MAML2: variants seen among roughly 807,000 people sequenced by gnomAD.
The protein encoded by MAML2 is mastermind-like protein 2.
In MAML2, 22 loss-of-function variants were observed where a neutral mutation model predicts 96.1. That is an observed-to-expected ratio of 0.23 (90% CI 0.16 to 0.33). MAML2 has a LOEUF of 0.33. MAML2 is among the 10% of genes least tolerant of loss of function. The pLI, the probability that MAML2 is intolerant of heterozygous loss-of-function variation, is 1.00. For synonymous variants in MAML2, 561 were observed against 521.3 expected, an observed-to-expected ratio of 1.08 and a Z score of -1.04; for missense variants, 1,367 against 1,392.4, an observed-to-expected ratio of 0.98 and a Z score of 0.29.
At chr11:96,251,733 C>CT (rs5793793) in intron 1 of MAML2, among the ~76,000 whole-genome samples, 101 of 134,454 alleles carry the variant, frequency 7.5e-4, no homozygotes, top group Admixed American at 1.3e-3. Flanking sequence ...AATACAAACC[C>CT]TTTTTTTTTT....
intron 1 of MAML2, among the ~76,000 whole-genome samples, chr11:96,245,272 CT>C (rs1315723388): frequency 7.2e-6 from 1 of 139,712 alleles, no homozygotes; most frequent in Non-Finnish European, 1.5e-5. Flanking sequence ...ACTTTTACCA[CT>C]TTTTTCGAGT....
rs1859711713 is a variant in MAML2 at position 96,091,893 on chromosome 11, T to C, written c.2138A>G (p.Gln713Arg). The C allele has an allele frequency of 6.2e-7, 1 of 1,612,260 alleles. No homozygotes were observed. The highest frequency in any genetic ancestry group is 1.3e-5 in the African/African-American group (1 of 74,920). Residue 713 changes from glutamine (Q) to arginine (R), a missense_variant and splice_region_variant, in exon 2 of 5, where the codon CAG becomes CGG. Physicochemically the swap from Gln to Arg is conservative, Grantham distance 43 (BLOSUM62 1). Coordinates refer to ENST00000524717, the MANE Select transcript of MAML2 (RefSeq NM_032427.4). The stretch of plus-strand genomic sequence containing the variant: ...TATTTGGAGTAGTAGAGCCCTTACC[T>C]GTCTCTGTTGTTGGGAGACTTGGTA... ...MGYQVSQQQRQDQHSVVGQNT... is the reference protein window; with the variant it reads ...MGYQVSQQQRRDQHSVVGQNT...
At chr11:96,237,691 G>A (rs1345455286) in intron 1 of MAML2, among the ~76,000 whole-genome samples, 1 of 152,204 alleles carries the variant, frequency 6.6e-6, no homozygotes, top group Non-Finnish European at 1.5e-5. Flanking sequence ...AATGTAATAT[G>A]TAATTGTCGT....
Position 95,985,632 on chromosome 11 carries a change from G to C in MAML2, c.2354C>G (p.Ala785Gly). The part of the protein sequence containing the change: ...QQMLADAEKI[A>G]PQDQINRHLS... ...ATGTCGGTTTATCTGATCTTGTGGA[G>C]CAATTTTCTCCTTGAGAAATGATAT... is the stretch of plus-strand genomic sequence containing the variant. The change falls in exon 4 of 5, where the codon GCT becomes GGT. Residue 785 changes from alanine (A) to glycine (G), a missense_variant. By Grantham distance (60) the Ala-to-Gly change is moderately conservative (BLOSUM62 0). Transcript: ENST00000524717. The C allele has an allele frequency of 6.2e-7, 1 of 1,602,604 alleles. No individual in the cohort carries two copies. Among genetic ancestry groups the C allele is most frequent in the Non-Finnish European group, 8.5e-7 (1 of 1,170,808 alleles).
chr11:96,175,747 T>A (rs981766621), intron 1 of MAML2, among the ~76,000 whole-genome samples: 1 of 152,094 alleles, frequency 6.6e-6, no homozygotes, highest in African/African-American at 2.4e-5. Context: ...CCCGCCACCA[T>A]GCCTGGCTAT....
intron 1 of MAML2, among the ~76,000 whole-genome samples, chr11:96,256,913 A>T (rs938980834): frequency 1.3e-5 from 2 of 152,240 alleles, no homozygotes; most frequent in African/African-American, 4.8e-5. Context: ...AAGACAGAGG[A>T]CACCCCAGTA....
chr11:96,034,322 C>T (rs1858664821), intron 2 of MAML2, among the ~76,000 whole-genome samples: 1 of 151,986 alleles, frequency 6.6e-6, no homozygotes, highest in Admixed American at 6.6e-5. Context: ...CCAGGAAGCA[C>T]AGAATATGAC....
intron 1 of MAML2, among the ~76,000 whole-genome samples, chr11:96,288,174 C>A (rs939951085): frequency 2.0e-5 from 3 of 152,166 alleles, no homozygotes; most frequent in African/African-American, 7.2e-5. Context: ...AAAATTAGAT[C>A]TCAGAGCAAA....
At chr11:96,148,515 G>C (rs1860858137) in intron 1 of MAML2, among the ~76,000 whole-genome samples, 1 of 151,708 alleles carries the variant, frequency 6.6e-6, no homozygotes, top group South Asian at 2.1e-4. Flanking sequence ...GTAGGTGCCT[G>C]TCTACACTAT....
In MAML2 at chr11:96,121,950, CTTTTTTTTTTTTTTTT is replaced by C. The variant is rs71040130; in HGVS notation, c.514-28449_514-28434del. Among the ~76,000 whole-genome samples, 7 of 56,852 alleles carry C rather than the reference CTTTTTTTTTTTTTTTT, an allele frequency of 1.2e-4. No homozygotes were observed. The East Asian group carries it at 1.7e-3, about 14-fold the overall frequency. The allele number at this position is 56,852 out of a possible 152,430, so 37.3% of individuals were successfully genotyped here. A position where few individuals can be genotyped will look rare whatever the true frequency, so the allele number is the denominator to read the frequency against. On this transcript the variant is annotated intron_variant, in intron 1 of 4. Coordinates refer to ENST00000524717, the MANE Select transcript of MAML2 (RefSeq NM_032427.4). ...TACAGGCACCCGCCACCACGCCCGG[CTTTTTTTTTTTTTTTT>C]TTTTTTTTTTTTTTTTGTATTTTTT...
chr11:96,254,048 A>T (rs1181890618), intron 1 of MAML2, among the ~76,000 whole-genome samples: 1 of 152,208 alleles, frequency 6.6e-6, no homozygotes, highest in African/African-American at 2.4e-5. Context: ...TAAAGGTAAG[A>T]ATTTGTGAGA....
At chr11:96,163,744 G>C (rs1861148834) in intron 1 of MAML2, among the ~76,000 whole-genome samples, 1 of 152,146 alleles carries the variant, frequency 6.6e-6, no homozygotes, top group African/African-American at 2.4e-5. Flanking sequence ...ATACCACTTC[G>C]TATTGATAAT....
intron 1 of MAML2, among the ~76,000 whole-genome samples, chr11:96,125,924 T>C (rs561451851): frequency 1.3e-5 from 2 of 152,310 alleles, no homozygotes; most frequent in East Asian, 3.9e-4. Context: ...GTTGTAATTG[T>C]GCTAGTGGGC....
chr11:96,166,994 A>G (rs142417550), intron 1 of MAML2, among the ~76,000 whole-genome samples: 1,995 of 152,212 alleles, frequency 0.013, 43 homozygotes, highest in African/African-American at 0.046. Flanking sequence ...GATACCAAAC[A>G]CCATGTCCCC....
intron 2 of MAML2, among the ~76,000 whole-genome samples, chr11:96,020,062 C>T (rs1858413275): frequency 6.6e-6 from 1 of 152,036 alleles, no homozygotes; most frequent in African/African-American, 2.4e-5. Context: ...GTTGGAGGTG[C>T]CAGTCAGTGA....
At chr11:96,137,024 A>G (rs558377531) in intron 1 of MAML2, among the ~76,000 whole-genome samples, 2 of 152,218 alleles carry the variant, frequency 1.3e-5, no homozygotes, top group Admixed American at 6.5e-5. Flanking sequence ...TTTTTAAAAA[A>G]TGCCATCAGG....
intron 1 of MAML2, among the ~76,000 whole-genome samples, chr11:96,134,239 A>C (rs529910902): frequency 4.6e-5 from 7 of 152,330 alleles, no homozygotes; most frequent in Non-Finnish European, 8.8e-5. Context: ...AAATAAATAC[A>C]AACTACTTTG....
chr11:96,277,613 G>A (rs1054734994), intron 1 of MAML2, among the ~76,000 whole-genome samples: 3 of 151,800 alleles, frequency 2.0e-5, no homozygotes, highest in Non-Finnish European at 2.9e-5. Flanking sequence ...TTAGCAGGGC[G>A]TGGTAGCAAG....
Position 96,281,976 on chromosome 11 carries a change from G to A in MAML2, c.513+59407C>T, listed in dbSNP as rs373890174. ...GAAAAATAATGACTGTAGGCCAGGC[G>A]CGGTGGCTCATGCCTGTAATCCCAG... On this transcript the variant is annotated intron_variant, in intron 1 of 4. Transcript: ENST00000524717. 1.1e-4 allele frequency among the ~76,000 whole-genome samples: 16 copies of A among 152,112 alleles called. No individual in the cohort carries two copies. In the East Asian group the frequency reaches 1.5e-3, roughly 15 times the overall value.
Sources: allele counts gnomAD v4.1 joint callset (sites outside exome capture counted in the v4.1 genomes callset), GRCh38; gene constraint gnomAD v4.1.1; transcripts MANE v1.5; gene names NCBI Gene and HGNC (gene_info 2026-07-23, HGNC 2026-07-21).